SP1: variants seen among roughly 807,000 people sequenced by gnomAD.
SP1 encodes Sp1 transcription factor.
A neutral mutation model predicts 66.3 loss-of-function variants in SP1; 6 were observed. The ratio of observed to expected loss-of-function variants is 0.09; its 90% CI spans 0.05 to 0.18. The LOEUF (loss-of-function observed/expected upper bound fraction) is 0.18, where lower values mean the gene tolerates loss of function less well. Among genes scored for constraint, SP1 ranks in the 10% least tolerant of loss-of-function variants. SP1 has a pLI of 1.00. For synonymous variants in SP1, 417 were observed against 360.8 expected (o/e 1.16, Z -1.77); for missense variants, 848 against 964.5 (o/e 0.88, Z 1.60).
In SP1 at chr12:53,406,586, T is replaced by G. The variant is rs746844477; in HGVS notation, c.1677T>G (p.Gly559=). 2 of 1,613,418 alleles carry G rather than the reference T, an allele frequency of 1.2e-6. No individual in the cohort carries two copies. The highest frequency in any genetic ancestry group is 2.2e-5 in the East Asian group (1 of 44,882). The change falls in exon 4 of 6, where the codon GGT becomes GGG. Residue 559 remains glycine, a splice_region_variant and synonymous_variant. Coordinates refer to ENST00000327443, the MANE Select transcript of SP1 (RefSeq NM_138473.3). ...GLPLAIANAP[G]DHGAQLGLHG... ...GACCCTTTTCTCTCTTAATTTCAGG[T>G]GATCATGGAGCTCAGCTTGGTCTCC...
At chr12:53,400,257 A>G (rs1009995239) in intron 3 of SP1, among the ~76,000 whole-genome samples, 2 of 152,222 alleles carry the variant, frequency 1.3e-5, no homozygotes, top group African/African-American at 4.8e-5. Context: ...CATAAATAGA[A>G]TCTTACAGTA....
intron 3 of SP1, among the ~76,000 whole-genome samples, chr12:53,402,606 A>AG (rs1938633260): frequency 1.3e-5 from 2 of 148,314 alleles, no homozygotes; most frequent in East Asian, 2.2e-4. Flanking sequence ...TGGGAGACCA[A>AG]GGGGGGCGGA....
chr12:53,406,258 G>A (rs191383500), intron 3 of SP1, among the ~76,000 whole-genome samples: 297 of 151,696 alleles, frequency 2.0e-3, no homozygotes, highest in Admixed American at 3.7e-3. Context: ...TAGTAGAGAC[G>A]GGATTTCTCC....
At chr12:53,406,065 C>CTTTTTTTT (rs1170832065) in intron 3 of SP1, among the ~76,000 whole-genome samples, 25 of 82,410 alleles carry the variant, frequency 3.0e-4, no homozygotes, top group Non-Finnish European at 5.0e-4. Context: ...TATTTTCTTT[C>CTTTTTTTT]TTTTTTTTTT....
At chr12:53,389,110 A>T (rs1450701534) in intron 3 of SP1, among the ~76,000 whole-genome samples, 1 of 152,060 alleles carries the variant, frequency 6.6e-6, no homozygotes, top group African/African-American at 2.4e-5. Context: ...TGTATGATAC[A>T]TGTATATATC....
At position 53,382,831 on chromosome 12, in the gene SP1, G is replaced by A; in HGVS notation, c.884G>A (p.Gly295Asp). Residue 295 changes from glycine to aspartate, a missense_variant, in exon 3 of 6, where the codon GGC becomes GAC. By Grantham distance (94) the Gly-to-Asp change is moderately conservative. Around this residue, in one of 7 missense-constraint regions of SP1, gnomAD observed 606 missense variants for 589.9 expected, o/e 1.03. Transcript: ENST00000327443. ...AGCAGCTCTGGGTCCCAGGAGAGTG[G>A]CTCACAGCCTGTCACCTCAGGGACT... Reference protein sequence around the residue: ...TISSSGSQESGSQPVTSGTTI... With the variant: ...TISSSGSQESDSQPVTSGTTI... 3 of 1,614,136 alleles carry A rather than the reference G, an allele frequency of 1.9e-6. No homozygotes were observed. In the South Asian group the frequency reaches 3.3e-5, roughly 18 times the overall value.
intron 3 of SP1, among the ~76,000 whole-genome samples, chr12:53,386,131 T>C (rs750298262): frequency 1.6e-4 from 24 of 152,136 alleles, no homozygotes; most frequent in Non-Finnish European, 3.1e-4. Flanking sequence ...CTCCTAGTTA[T>C]CTGAAAAACA....
intron 3 of SP1, among the ~76,000 whole-genome samples, chr12:53,391,601 G>A (rs1332260428): frequency 1.3e-5 from 2 of 151,984 alleles, no homozygotes; most frequent in Non-Finnish European, 2.9e-5. Flanking sequence ...GGGATTACAG[G>A]TGTGAGCCAC....
At chr12:53,385,033 G>A (rs1301937913) in intron 3 of SP1, among the ~76,000 whole-genome samples, 3 of 151,382 alleles carry the variant, frequency 2.0e-5, no homozygotes, top group East Asian at 1.9e-4. Flanking sequence ...GGTGGCTCAC[G>A]CCTGTAATCC....
At chr12:53,397,027 T>C (rs1050935915) in intron 3 of SP1, among the ~76,000 whole-genome samples, 10 of 152,138 alleles carry the variant, frequency 6.6e-5, no homozygotes, top group Admixed American at 2.6e-4. Context: ...TTTTGTTTTT[T>C]GTTTTGAGCG....
Position 53,382,507 on chromosome 12 carries a change from T to C in SP1, c.560T>C (p.Leu187Pro). 1 of 1,614,194 alleles carries C rather than the reference T, an allele frequency of 6.2e-7. No individual in the cohort carries two copies. Among genetic ancestry groups the C allele is most frequent in the Non-Finnish European group, 8.5e-7 (1 of 1,180,026 alleles). ...PQFQTVDGQQ[L>P]QFAATGAQVQ... Reference sequence around the variant, plus strand: ...TTCCAGACCGTTGATGGGCAACAGCTGCAGTTTGCTGCCACTGGGGCCCAA... The same window carrying C: ...TTCCAGACCGTTGATGGGCAACAGCCGCAGTTTGCTGCCACTGGGGCCCAA... Residue 187 changes from leucine to proline, a missense_variant, in exon 3 of 6, where the codon CTG becomes CCG. Around this residue, in one of 7 missense-constraint regions of SP1, gnomAD observed 606 missense variants for 589.9 expected, o/e 1.03. Transcript: ENST00000327443.
At chr12:53,396,649 T>G (rs1431195619) in intron 3 of SP1, among the ~76,000 whole-genome samples, 4 of 152,212 alleles carry the variant, frequency 2.6e-5, no homozygotes, top group East Asian at 1.9e-4. Context: ...GCTTTTATGC[T>G]ATAGCTTTAC....
chr12:53,411,344 AAAAT>A lies in SP1; in HGVS notation c.*105_*108del. On this transcript the variant is annotated 3_prime_UTR_variant, in exon 6 of 6. Transcript: ENST00000327443. ...ATGGAAGAGAGAGCCATGAAGCATT[AAAAT>A]GCATGGTGTTGAGAAGAATCAGGAG... 1 of 907,518 alleles carries A rather than the reference AAAAT, an allele frequency of 1.1e-6. No homozygotes were observed. The highest frequency in any genetic ancestry group is 3.5e-4 in the Middle Eastern group (1 of 2,852). 56.2% of individuals were successfully genotyped at this position (907,518 alleles called of 1,614,324 possible).
At chr12:53,389,396 A>AT (rs1938302590) in intron 3 of SP1, among the ~76,000 whole-genome samples, 1 of 151,618 alleles carries the variant, frequency 6.6e-6, no homozygotes, top group Non-Finnish European at 1.5e-5. Flanking sequence ...TTTAATCGAG[A>AT]TTGAGTTTCA....
intron 3 of SP1, among the ~76,000 whole-genome samples, chr12:53,394,004 C>T (rs1228175562): frequency 6.6e-6 from 1 of 151,556 alleles, no homozygotes; most frequent in Non-Finnish European, 1.5e-5. Flanking sequence ...CACCTGAGAT[C>T]GGGAGTTCAA....
At position 53,411,056 on chromosome 12, in the gene SP1, C is replaced by T; in HGVS notation, c.2174C>T (p.Pro725Leu). The change falls in exon 6 of 6, where the codon CCC becomes CTC. Residue 725 changes from proline (P) to leucine (L), a missense_variant. Pro to Leu is a moderately conservative substitution (Grantham distance 98). Coordinates refer to ENST00000327443, the MANE Select transcript of SP1 (RefSeq NM_138473.3). ...PGVALSVGTL[P>L]LDSGAGSEGS... ...GTAGCTCTGAGTGTGGGCACTTTGC[C>T]CCTGGACAGTGGGGCAGGTTCAGAA... 1 of 1,614,084 alleles carries T rather than the reference C, an allele frequency of 6.2e-7. No individual in the cohort carries two copies. Among genetic ancestry groups the T allele is most frequent in the Non-Finnish European group, 8.5e-7 (1 of 1,180,000 alleles).
rs200965968 is a variant in SP1, at chr12:53,383,556, T to C, written c.1609T>C (p.Leu537=). The change falls in exon 3 of 6, where the codon TTG becomes CTG. Residue 537 remains leucine (L), a synonymous_variant. Coordinates refer to ENST00000327443, the MANE Select transcript of SP1 (RefSeq NM_138473.3). ...PGLQTINLSA[L]GTSGIQVHPI... is the part of the protein sequence containing the mutation. ...CCTCCAGACCATTAACCTCAGTGCATTGGGTACTTCAGGAATCCAGGTGCA... is the reference window on the plus strand; with the variant it reads ...CCTCCAGACCATTAACCTCAGTGCACTGGGTACTTCAGGAATCCAGGTGCA... 3 of 1,614,078 alleles carry C rather than the reference T, an allele frequency of 1.9e-6. No homozygotes were observed. Among genetic ancestry groups the C allele is most frequent in the African/African-American group, 1.3e-5 (1 of 75,052 alleles).
chr12:53,381,851 GATGT>G, intron 2 of SP1, 38 bp downstream of exon 2: 2 of 1,581,664 alleles, frequency 1.3e-6, no homozygotes, highest in Non-Finnish European at 1.7e-6. Flanking sequence ...GTGTTGAGAA[GATGT>G]AAATATTCTT....
chr12:53,411,396 G>T lies in SP1; in HGVS notation c.*156G>T. On this transcript the variant is annotated 3_prime_UTR_variant, in exon 6 of 6. Coordinates refer to ENST00000327443, the MANE Select transcript of SP1 (RefSeq NM_138473.3). ...GAGAGGGATACAAGAGAGGAGATGG[G>T]GTCCCGGCACCCATCTGTATCATCA... 1.7e-6 allele frequency: 1 copy of T among 603,280 alleles called. No homozygotes were observed. Among genetic ancestry groups the T allele is most frequent in the South Asian group, 2.5e-5 (1 of 40,506 alleles). 37.4% of individuals were successfully genotyped at this position (603,280 alleles called of 1,614,324 possible).
Sources: gnomAD v4.1 joint callset for allele counts (sites outside exome capture counted in the v4.1 genomes callset) on GRCh38, gnomAD v4.1.1 for gene constraint, gnomAD v4.1.1 regional missense constraint, MANE v1.5 for transcripts, NCBI Gene and HGNC (gene_info 2026-07-23, HGNC 2026-07-21) for gene names.